DPP6: variants seen among roughly 807,000 people sequenced by gnomAD.
The protein encoded by DPP6 is dipeptidyl peptidase like 6, also known as A-type potassium channel modulatory protein DPP6.
A neutral mutation model predicts 122.6 loss-of-function variants in DPP6; 69 were observed. The ratio of observed to expected loss-of-function variants is 0.56; its 90% CI spans 0.46 to 0.69. DPP6 has a LOEUF of 0.69. DPP6 is among the 30% of genes least tolerant of loss of function. The probability of loss-of-function intolerance (pLI) is 0.00; values close to 1 mark genes in which losing one functional copy is unlikely to be tolerated. For missense variants in DPP6, 928 were observed against 1,116.9 expected, an observed-to-expected ratio of 0.83 and a Z score of 2.41; for synonymous variants, 418 against 433.1, an observed-to-expected ratio of 0.97 and a Z score of 0.43.
At chr7:154,072,358 C>T (rs1434480058) in intron 1 of DPP6, among the ~76,000 whole-genome samples, 3 of 152,184 alleles carry the variant, frequency 2.0e-5, no homozygotes, top group Non-Finnish European at 2.9e-5. Flanking sequence ...TGTGACCTTC[C>T]AGACCTTGCT....
upstream of DPP6, among the ~76,000 whole-genome samples, chr7:153,884,575 A>C (rs948845560): frequency 6.6e-6 from 1 of 152,226 alleles, no homozygotes; most frequent in Non-Finnish European, 1.5e-5. Context: ...AGACACATGC[A>C]CACATATGTT....
intron 7 of DPP6, among the ~76,000 whole-genome samples, chr7:154,696,424 T>C (rs1050715790): frequency 3.9e-5 from 6 of 152,168 alleles, no homozygotes; most frequent in African/African-American, 1.4e-4. Flanking sequence ...AAGTCACAAA[T>C]AGAGCTTCCT....
At chr7:154,432,821 G>A (rs1818538784) in intron 1 of DPP6, among the ~76,000 whole-genome samples, 1 of 152,176 alleles carries the variant, frequency 6.6e-6, no homozygotes, top group South Asian at 2.1e-4. Flanking sequence ...GGTCACCCAT[G>A]TTGCTTTTGA....
chr7:154,579,057 A>G (rs1831873258), intron 5 of DPP6, among the ~76,000 whole-genome samples: 1 of 152,172 alleles, frequency 6.6e-6, no homozygotes, highest in African/African-American at 2.4e-5. Flanking sequence ...TTATACAAAG[A>G]AGAAAAATCT....
intron 4 of DPP6, 99 bp downstream of exon 4, chr7:154,540,725 A>G (rs1828658903): frequency 2.9e-6 from 2 of 695,944 alleles, no homozygotes; most frequent in African/African-American, 3.7e-5. Context: ...AGCATAGCCA[A>G]GGAGAAGCAA....
At chr7:154,237,047 AG>A (rs1432690788) in intron 1 of DPP6, among the ~76,000 whole-genome samples, 2 of 152,100 alleles carry the variant, frequency 1.3e-5, no homozygotes, top group Non-Finnish European at 2.9e-5. Flanking sequence ...CTTCCCATTG[AG>A]GTCCAAACAA....
At chr7:154,744,298 C>T (rs144202479) in intron 8 of DPP6, among the ~76,000 whole-genome samples, 2 of 152,306 alleles carry the variant, frequency 1.3e-5, no homozygotes, top group East Asian at 1.9e-4. Flanking sequence ...AGAAGCCACA[C>T]GTCAGCAGCC....
chr7:154,624,701 C>G lies in DPP6; in HGVS notation c.628-13120C>G, dbSNP rs1193138562. On this transcript the variant is annotated intron_variant, in intron 5 of 25. Coordinates refer to ENST00000377770, the MANE Select transcript of DPP6 (RefSeq NM_130797.4). This position sits in a 1 kb window ranked among gnomAD's most constrained non-coding sequence, Gnocchi z 4.7. ...GAGCCCTTGTTAGAAACACATATTT[C>G]TAAGCTCCAAGCCTGGAGCCTAGGA... Among the ~76,000 whole-genome samples, 3 of 152,156 alleles carry G rather than the reference C, an allele frequency of 2.0e-5. No homozygotes were observed. Among genetic ancestry groups the G allele is most frequent in the Non-Finnish European group, 4.4e-5 (3 of 68,026 alleles).
chr7:154,320,001 A>AATATATATATATATATAT (rs71182894), intron 1 of DPP6, among the ~76,000 whole-genome samples: 58 of 139,292 alleles, frequency 4.2e-4, no homozygotes, highest in African/African-American at 1.3e-3. Flanking sequence ...AAATATTTCA[A>AATATATATATATATATAT]ATATATATAT....
intron 1 of DPP6, among the ~76,000 whole-genome samples, chr7:154,433,136 G>GTTTTTTTTTTTTTTTTTTTTTTT (rs548053204): frequency 1.4e-5 from 1 of 72,336 alleles, no homozygotes; most frequent in African/African-American, 5.9e-5. Context: ...TAGACTGCAA[G>GTTTTTTTTTTTTTTTTTTTTTTT]TTTTTTTTTT....
intron 3 of DPP6, among the ~76,000 whole-genome samples, chr7:154,537,729 AAAG>A (rs1281989770): frequency 6.6e-6 from 1 of 151,202 alleles, no homozygotes; most frequent in Non-Finnish European, 1.5e-5. Context: ...AGGAAGGAAG[AAAG>A]AAAGAAAAAG....
intron 1 of DPP6, among the ~76,000 whole-genome samples, chr7:154,107,146 G>T (rs1377105256): frequency 6.6e-6 from 1 of 152,168 alleles, no homozygotes; most frequent in African/African-American, 2.4e-5. Flanking sequence ...CATGCTCACT[G>T]CAGCACTGTT....
intron 1 of DPP6, among the ~76,000 whole-genome samples, chr7:154,426,390 C>T (rs1020569047): frequency 1.7e-4 from 26 of 152,174 alleles, no homozygotes; most frequent in Middle Eastern, 3.4e-3. Context: ...TGGTTGAGGA[C>T]GTACTAAATA....
rs182349027 is a variant in DPP6 at position 154,015,824 on chromosome 7, C to T, written c.51+128090C>T. Among the ~76,000 whole-genome samples the T allele has an allele frequency of 2.7e-3, 410 of 152,250 alleles. 3 individuals carry two copies. The highest frequency in any genetic ancestry group is 9.5e-3 in the African/African-American group (393 of 41,548). ...AGAGGTCCCTGCTTCCACTCCCCCT[C>T]CCACACCCATTCTCCCTAAGACAGC... On this transcript the variant is annotated intron_variant, in intron 1 of 25. Coordinates refer to the DPP6 transcript ENST00000404039.
At chr7:154,114,225 CA>C (rs940998720) in intron 1 of DPP6, among the ~76,000 whole-genome samples, 7 of 151,868 alleles carry the variant, frequency 4.6e-5, no homozygotes, top group African/African-American at 7.3e-5. Context: ...CAGCAAACAT[CA>C]GACAATTTCC....
At chr7:153,892,503 G>T (rs974416060) in intron 1 of DPP6, among the ~76,000 whole-genome samples, 2 of 152,042 alleles carry the variant, frequency 1.3e-5, no homozygotes, top group African/African-American at 4.8e-5. Flanking sequence ...TAGTAGAGAC[G>T]AGGTTTTGCC....
chr7:154,148,802 T>A (rs1224980723), intron 1 of DPP6, among the ~76,000 whole-genome samples: 9 of 152,238 alleles, frequency 5.9e-5, no homozygotes, highest in African/African-American at 2.2e-4. Flanking sequence ...TTAGCTGTTC[T>A]CACGCCTGCT....
chr7:154,826,295 T>A (rs139914808), intron 16 of DPP6, among the ~76,000 whole-genome samples: 1 of 152,342 alleles, frequency 6.6e-6, no homozygotes, highest in African/African-American at 2.4e-5. Flanking sequence ...ATACCACTCT[T>A]TATCTTCTAG....
chr7:154,117,005 C>A (rs957405101), intron 1 of DPP6, among the ~76,000 whole-genome samples: 4 of 151,918 alleles, frequency 2.6e-5, no homozygotes, highest in African/African-American at 9.7e-5. Context: ...CTTCTCCAGT[C>A]TTTACTTTCT....
Sources: gnomAD v4.1 joint callset for allele counts (sites outside exome capture counted in the v4.1 genomes callset) on GRCh38, gnomAD v4.1.1 for gene constraint, Gnocchi (gnomAD v3.1) non-coding constraint, MANE v1.5 for transcripts, NCBI Gene and HGNC (gene_info 2026-07-23, HGNC 2026-07-21) for gene names.